PTCHD4: variants seen among roughly 807,000 people sequenced by gnomAD.
PTCHD4 encodes patched domain-containing protein 4.
PTCHD4 carries 33 observed loss-of-function variants against 58.1 expected under a neutral mutation model. The ratio of observed to expected loss-of-function variants is 0.57; its 90% CI spans 0.43 to 0.76. The LOEUF (loss-of-function observed/expected upper bound fraction) is 0.76. Among genes scored for constraint, PTCHD4 ranks in the 30% least tolerant of loss-of-function variants. The pLI, the probability that PTCHD4 is intolerant of heterozygous loss-of-function variation, is 0.00. For synonymous variants in PTCHD4, 478 were observed against 409.6 expected, an observed-to-expected ratio of 1.17 and a Z score of -2.02; for missense variants, 1,058 against 1,027.1, an observed-to-expected ratio of 1.03 and a Z score of -0.41.
At chr6:47,936,412 C>T (rs542751669) in intron 4 of PTCHD4, among the ~76,000 whole-genome samples, 5 of 152,300 alleles carry the variant, frequency 3.3e-5, no homozygotes, top group African/African-American at 1.2e-4. Context: ...CTTTATTAAA[C>T]ACTTTGTACT....
At chr6:48,088,156 A>G (rs1474254014) in intron 1 of PTCHD4, among the ~76,000 whole-genome samples, 1 of 152,176 alleles carries the variant, frequency 6.6e-6, no homozygotes, top group Non-Finnish European at 1.5e-5. Context: ...GGTAGCATGT[A>G]GTGTTTTGTT....
chr6:48,080,664 G>A (rs1765148707), intron 1 of PTCHD4, among the ~76,000 whole-genome samples: 1 of 152,190 alleles, frequency 6.6e-6, no homozygotes, highest in Non-Finnish European at 1.5e-5. Flanking sequence ...CCCAGTGTCA[G>A]AGAAGTATGG....
intron 1 of PTCHD4, among the ~76,000 whole-genome samples, 97 bp downstream of exon 1, chr6:48,110,951 CT>C (rs1765862806): frequency 2.0e-5 from 3 of 151,806 alleles, no homozygotes; most frequent in Admixed American, 1.3e-4. Context: ...CAGAATGACC[CT>C]TCTACACATG....
chr6:48,039,527 T>C (rs1198855599), intron 3 of PTCHD4, among the ~76,000 whole-genome samples: 1 of 152,130 alleles, frequency 6.6e-6, no homozygotes, highest in African/African-American at 2.4e-5. Flanking sequence ...TTAACCTTGG[T>C]GGTGTTTACA....
rs1763483180 is a variant in PTCHD4 at position 47,863,543 on chromosome 6, T to G, written c.*14760A>C. 6.6e-6 allele frequency among the ~76,000 whole-genome samples: 1 copy of G among 151,976 alleles called. No individual in the cohort carries two copies. The highest frequency in any genetic ancestry group is 2.4e-5 in the African/African-American group (1 of 41,414). On this transcript the variant is annotated 3_prime_UTR_variant, in exon 5 of 5. Coordinates refer to ENST00000339488, the MANE Select transcript of PTCHD4 (RefSeq NM_001384253.1). Reference sequence around the variant, plus strand: ...GCAATATGCCCAGTTAAATTTGAATTTCAGAGAAACAAGTATTTTTAGTAT... The same window carrying G: ...GCAATATGCCCAGTTAAATTTGAATGTCAGAGAAACAAGTATTTTTAGTAT...
At chr6:48,015,189 C>T (rs1762826222) in intron 3 of PTCHD4, among the ~76,000 whole-genome samples, 1 of 152,010 alleles carries the variant, frequency 6.6e-6, no homozygotes, top group Non-Finnish European at 1.5e-5. Context: ...GTGAGTGCTT[C>T]ATTGAACTGA....
intron 1 of PTCHD4, among the ~76,000 whole-genome samples, chr6:48,097,496 T>A (rs1037753671): frequency 4.6e-5 from 7 of 152,086 alleles, no homozygotes; most frequent in Non-Finnish European, 8.8e-5. Context: ...GCATGCTCAT[T>A]TTTTTTACAA....
At chr6:47,881,079 G>A (rs1045586909) in intron 4 of PTCHD4, among the ~76,000 whole-genome samples, 3 of 152,116 alleles carry the variant, frequency 2.0e-5, no homozygotes, top group African/African-American at 7.2e-5. Flanking sequence ...TGCTTGGGCT[G>A]TTCTCCAAGG....
chr6:47,967,045 A>T (rs570207870), intron 4 of PTCHD4, among the ~76,000 whole-genome samples: 18 of 152,322 alleles, frequency 1.2e-4, no homozygotes, highest in Non-Finnish European at 1.9e-4. Flanking sequence ...GAAGGTTTTC[A>T]ATTTACTTTG....
intron 3 of PTCHD4, among the ~76,000 whole-genome samples, chr6:48,036,235 G>T (rs1763631801): frequency 6.6e-6 from 1 of 152,000 alleles, no homozygotes; most frequent in Non-Finnish European, 1.5e-5. Flanking sequence ...AATACAATTT[G>T]CAAAGACAAA....
rs1333661013 is a variant in PTCHD4, at chr6:48,045,873, T to C, written c.417+22357A>G. Among the ~76,000 whole-genome samples the C allele has an allele frequency of 2.6e-5, 4 of 151,474 alleles. No individual in the cohort carries two copies. In the East Asian group the frequency reaches 5.8e-4, roughly 22 times the overall value. ...TCAGGGTCCAGCATAGGTTCAAGTA[T>C]ATAAGGGATCCTCACTGAAATGTTT... On this transcript the variant is annotated intron_variant, in intron 3 of 4. Coordinates refer to ENST00000339488, the MANE Select transcript of PTCHD4 (RefSeq NM_001384253.1).
chr6:48,108,394 T>C (rs1401768885), intron 1 of PTCHD4, among the ~76,000 whole-genome samples: 1 of 151,910 alleles, frequency 6.6e-6, no homozygotes, highest in Non-Finnish European at 1.5e-5. Flanking sequence ...TAGGTGGGAA[T>C]TGAACAATGA....
intron 4 of PTCHD4, among the ~76,000 whole-genome samples, chr6:47,995,377 T>C (rs1446321116): frequency 6.6e-6 from 1 of 152,224 alleles, no homozygotes; most frequent in African/African-American, 2.4e-5. Flanking sequence ...ATTCATCAGG[T>C]AGCACTGCTT....
chr6:47,908,161 T>C (rs537868376), intron 4 of PTCHD4, among the ~76,000 whole-genome samples: 2 of 152,120 alleles, frequency 1.3e-5, no homozygotes, highest in African/African-American at 2.4e-5. Flanking sequence ...ATTGGAACCA[T>C]AGCCCCAAAA....
At chr6:48,010,128 T>C (rs1762613335) in intron 3 of PTCHD4, among the ~76,000 whole-genome samples, 1 of 152,212 alleles carries the variant, frequency 6.6e-6, no homozygotes, top group African/African-American at 2.4e-5. Flanking sequence ...GTTCTCAGAA[T>C]ACTGAAGCTA....
intron 3 of PTCHD4, among the ~76,000 whole-genome samples, chr6:48,065,942 C>T (rs542125784): frequency 2.6e-5 from 4 of 152,030 alleles, no homozygotes; most frequent in African/African-American, 9.7e-5. Flanking sequence ...TAGCAATTAC[C>T]CTCTGACTTC....
chr6:48,020,318 T>G lies in PTCHD4; in HGVS notation c.418-11204A>C, dbSNP rs375701467. 1.2e-3 allele frequency among the ~76,000 whole-genome samples: 188 copies of G among 152,154 alleles called. 4 individuals carry two copies. In the South Asian group the frequency reaches 0.038, roughly 30 times the overall value. ...AATGCACACTATTCTGAAAATAAAT[T>G]TTTCCCATACCTGGGCTTTTTCCAA... On this transcript the variant is annotated intron_variant, in intron 3 of 4. Transcript: ENST00000339488.
chr6:48,073,896 G>A (rs892407467), intron 1 of PTCHD4, among the ~76,000 whole-genome samples: 1 of 152,170 alleles, frequency 6.6e-6, no homozygotes, highest in African/African-American at 2.4e-5. Context: ...AAGAGCAGAT[G>A]AGCTTGATGA....
At chr6:47,946,713 T>C (rs918898030) in intron 4 of PTCHD4, among the ~76,000 whole-genome samples, 4 of 152,174 alleles carry the variant, frequency 2.6e-5, no homozygotes, top group African/African-American at 7.2e-5. Context: ...ACCCTCTTAT[T>C]TTGTGCTTTT....
Sources: allele counts gnomAD v4.1 joint callset (sites outside exome capture counted in the v4.1 genomes callset), GRCh38; gene constraint gnomAD v4.1.1; transcripts MANE v1.5; gene names NCBI Gene and HGNC (gene_info 2026-07-23, HGNC 2026-07-21).